DCC: variants seen among roughly 807,000 people sequenced by gnomAD.
DCC encodes the protein DCC netrin 1 receptor, also known as netrin receptor DCC.
In DCC, 58 loss-of-function variants were observed where a neutral mutation model predicts 172.5. That is an observed-to-expected ratio of 0.34 (90% CI 0.27 to 0.42). The LOEUF (loss-of-function observed/expected upper bound fraction) is 0.42. Ranked by LOEUF, DCC falls within the 10% of genes least tolerant of loss-of-function variation. DCC has a pLI of 1.00. For missense variants in DCC, 1,740 were observed against 1,791.0 expected (o/e 0.97, Z 0.51); for synonymous variants, 709 against 644.5 (o/e 1.10, Z -1.52).
At chr18:53,025,938 A>G (rs1006454649) in intron 5 of DCC, among the ~76,000 whole-genome samples, 3 of 152,068 alleles carry the variant, frequency 2.0e-5, no homozygotes, top group African/African-American at 7.2e-5. Context: ...TAATCTAAGA[A>G]AAAATCTTTA....
intron 12 of DCC, among the ~76,000 whole-genome samples, chr18:53,275,768 A>G (rs776471260): frequency 1.3e-5 from 2 of 152,170 alleles, no homozygotes; most frequent in Admixed American, 6.6e-5. Flanking sequence ...GTGGTAGTCT[A>G]TACAAAAGGG....
chr18:53,274,143 T>G (rs958131432), intron 12 of DCC, among the ~76,000 whole-genome samples: 4 of 152,164 alleles, frequency 2.6e-5, no homozygotes, highest in Non-Finnish European at 5.9e-5. Context: ...TTTATTTACT[T>G]TTTCAATAAA....
In DCC at chr18:53,116,105, A is replaced by G. The variant is rs113858158; in HGVS notation, c.1262-41251A>G. Among the ~76,000 whole-genome samples the G allele has an allele frequency of 9.7e-3, 1,467 of 151,802 alleles. 33 individuals are homozygous for G. The highest frequency in any genetic ancestry group is 0.033 in the African/African-American group (1,364 of 41,492). On this transcript the variant is annotated intron_variant, in intron 7 of 28. Transcript: ENST00000442544. Reference sequence around the variant, plus strand: ...ACCTGTTACTTAGTAAAATGTCAAAATGGAGCCAGATTTGCAACACATGAT... The same window carrying G: ...ACCTGTTACTTAGTAAAATGTCAAAGTGGAGCCAGATTTGCAACACATGAT...
At chr18:53,359,721 A>T (rs1342168287) in intron 15 of DCC, among the ~76,000 whole-genome samples, 2 of 152,162 alleles carry the variant, frequency 1.3e-5, no homozygotes, top group African/African-American at 4.8e-5. Flanking sequence ...AGTTAGCCCT[A>T]GGAAGTTCTG....
At position 52,486,931 on chromosome 18, in the gene DCC, C is replaced by A. The variant is rs1224091082; in HGVS notation, c.91+146053C>A. ...AACATATGAGACATATGCTATTGTT[C>A]TCTGTAGGGAACAAGAAAAACTCTT... On this transcript the variant is annotated intron_variant, in intron 1 of 28. Coordinates refer to ENST00000442544, the MANE Select transcript of DCC (RefSeq NM_005215.4). Among the ~76,000 whole-genome samples, 3 of 152,056 alleles carry A rather than the reference C, an allele frequency of 2.0e-5. No homozygotes were observed. The South Asian group carries it at 6.2e-4, about 31-fold the overall frequency.
chr18:53,330,922 C>G (rs1049762801), intron 14 of DCC, among the ~76,000 whole-genome samples: 1 of 152,174 alleles, frequency 6.6e-6, no homozygotes, highest in African/African-American at 2.4e-5. Flanking sequence ...CGATATTTCA[C>G]ACAGTGCCTG....
intron 7 of DCC, among the ~76,000 whole-genome samples, chr18:53,074,797 T>C (rs972275301): frequency 1.5e-4 from 23 of 152,140 alleles, no homozygotes; most frequent in Admixed American, 9.8e-4. Flanking sequence ...TACACTCTTA[T>C]CCAGTTTACT....
At chr18:53,291,083 G>T (rs2056998231) in intron 12 of DCC, among the ~76,000 whole-genome samples, 1 of 152,046 alleles carries the variant, frequency 6.6e-6, no homozygotes. Flanking sequence ...CAGGAGAATT[G>T]CTTGAACCCA....
Position 52,925,304 on chromosome 18 carries a change from A to G in DCC, c.919A>G (p.Met307Val), listed in dbSNP as rs2040184353. The change falls in exon 5 of 29, where the codon ATG becomes GTG. Residue 307 changes from methionine to valine, a missense_variant. Around this residue, in one of 2 missense-constraint regions of DCC, gnomAD observed 1,732 missense variants for 1,767.4 expected, o/e 0.98. Coordinates refer to ENST00000442544, the MANE Select transcript of DCC (RefSeq NM_005215.4). ...CAATGTGACAGATGATGACAGTGGAATGTATACCTGTGTTGTCACATATAA... is the reference window on the plus strand; with the variant it reads ...CAATGTGACAGATGATGACAGTGGAGTGTATACCTGTGTTGTCACATATAA... ...ISNVTDDDSG[M>V]YTCVVTYKNE... 6.2e-7 allele frequency: 1 copy of G among 1,612,262 alleles called. No individual in the cohort carries two copies. Among genetic ancestry groups the G allele is most frequent in the Admixed American group, 1.7e-5 (1 of 59,912 alleles).
chr18:52,612,742 A>C (rs1230447242), intron 1 of DCC, among the ~76,000 whole-genome samples: 1 of 152,142 alleles, frequency 6.6e-6, no homozygotes, highest in Admixed American at 6.5e-5. Context: ...TTGATTGTGG[A>C]AATTGTTTTT....
At chr18:52,610,133 G>A (rs1235011542) in intron 1 of DCC, among the ~76,000 whole-genome samples, 2 of 106,320 alleles carry the variant, frequency 1.9e-5, no homozygotes, top group African/African-American at 7.7e-5. Context: ...GGCCAACATG[G>A]CAAAACCCCA....
At chr18:52,381,126 A>G (rs1985566638) in intron 1 of DCC, among the ~76,000 whole-genome samples, 1 of 152,156 alleles carries the variant, frequency 6.6e-6, no homozygotes, top group Non-Finnish European at 1.5e-5. Context: ...GTGTTGCTGA[A>G]TTTATAAATT....
At chr18:52,809,638 G>A (rs896084608) in intron 2 of DCC, among the ~76,000 whole-genome samples, 2 of 152,130 alleles carry the variant, frequency 1.3e-5, no homozygotes, top group African/African-American at 2.4e-5. Context: ...ATCAGCAGTG[G>A]GTCTGTGATG....
intron 7 of DCC, among the ~76,000 whole-genome samples, chr18:53,157,021 T>C (rs190856745): frequency 1.5e-3 from 224 of 152,312 alleles, no homozygotes; most frequent in Non-Finnish European, 2.1e-3. Flanking sequence ...AGAACTCAAG[T>C]GCTTGTTAAA....
chr18:53,448,020 A>C (rs9955582), intron 22 of DCC, among the ~76,000 whole-genome samples: 1,867 of 146,560 alleles, frequency 0.013, 43 homozygotes, highest in African/African-American at 0.044. Flanking sequence ...ATAATGAATG[A>C]GCTATAATTT....
chr18:53,142,310 A>C (rs1276888448), intron 7 of DCC, among the ~76,000 whole-genome samples: 1 of 152,232 alleles, frequency 6.6e-6, no homozygotes, highest in African/African-American at 2.4e-5. Context: ...TGTGTTTGGA[A>C]GTCGGGTGGT....
chr18:53,021,879 G>T (rs939542672), intron 5 of DCC, among the ~76,000 whole-genome samples: 1 of 152,102 alleles, frequency 6.6e-6, no homozygotes, highest in Non-Finnish European at 1.5e-5. Context: ...GGCTGCATTT[G>T]GTTTTATTTG....
At chr18:53,000,573 TC>T (rs1267038353) in intron 5 of DCC, among the ~76,000 whole-genome samples, 1 of 147,070 alleles carries the variant, frequency 6.8e-6, no homozygotes. Flanking sequence ...GTTTAGGATA[TC>T]AGCTTACATT....
chr18:52,637,384 G>A (rs1473083835), intron 1 of DCC, among the ~76,000 whole-genome samples: 3 of 152,100 alleles, frequency 2.0e-5, no homozygotes, highest in Non-Finnish European at 4.4e-5. Flanking sequence ...ACTAGAGAAA[G>A]ACAAAGCCAA....
Sources: gnomAD v4.1 joint callset for allele counts (sites outside exome capture counted in the v4.1 genomes callset) on GRCh38, gnomAD v4.1.1 for gene constraint, gnomAD v4.1.1 regional missense constraint, MANE v1.5 for transcripts, NCBI Gene and HGNC (gene_info 2026-07-23, HGNC 2026-07-21) for gene names.